Variants in GRIK3 observed in about 807,000 individuals in gnomAD.
The protein encoded by GRIK3 is glutamate ionotropic receptor kainate type subunit 3.
In GRIK3, 29 loss-of-function variants were observed where a neutral mutation model predicts 102.5. The observed-to-expected ratio is 0.28, with a 90% confidence interval of 0.21 to 0.39. The LOEUF (loss-of-function observed/expected upper bound fraction) is 0.39. Among genes scored for constraint, GRIK3 ranks in the 10% least tolerant of loss-of-function variants. GRIK3 has a pLI of 1.00. For missense variants in GRIK3, 908 were observed against 1,252.4 expected (o/e 0.73, Z 4.15); for synonymous variants, 511 against 504.9 (o/e 1.01, Z -0.16).
intron 1 of GRIK3, among the ~76,000 whole-genome samples, chr1:36,916,393 C>A (rs1213613749): frequency 6.6e-6 from 1 of 152,220 alleles, no homozygotes; most frequent in Admixed American, 6.5e-5. Context: ...TTCAAGCCAA[C>A]TGCAGAAACT....
intron 1 of GRIK3, among the ~76,000 whole-genome samples, chr1:36,976,645 T>C (rs1642199271): frequency 6.6e-6 from 1 of 152,146 alleles, no homozygotes; most frequent in African/African-American, 2.4e-5. Flanking sequence ...CAAGGTATGC[T>C]ATTGGTTGAA....
Position 36,801,902 on chromosome 1 carries a change from G to A in GRIK3, c.2709C>T (p.Pro903=), listed in dbSNP as rs191042265. 90 of 1,613,602 alleles carry A rather than the reference G, an allele frequency of 5.6e-5. No homozygotes were observed. The South Asian group carries it at 7.3e-4, about 13-fold the overall frequency. ...NMHTFNDRRL[P]GKDSMACSTS... The stretch of plus-strand genomic sequence containing the variant: ...TGCTGCAGGCCATGCTGTCCTTGCC[G>A]GGAAGCCGGCGGTCATTGAATGTGT... The change falls in exon 16 of 16, where the codon CCC becomes CCT. Residue 903 remains proline, a synonymous_variant. Coordinates refer to ENST00000373091, the MANE Select transcript of GRIK3 (RefSeq NM_000831.4).
intron 1 of GRIK3, among the ~76,000 whole-genome samples, chr1:36,983,230 C>T (rs117957535): frequency 6.6e-6 from 1 of 152,138 alleles, no homozygotes; most frequent in Non-Finnish European, 1.5e-5. Context: ...CACAAACACA[C>T]CCTTCCCACA....
intron 5 of GRIK3, among the ~76,000 whole-genome samples, chr1:36,867,894 G>A (rs1392745): frequency 0.84 from 127,272 of 152,004 alleles, 55,378 homozygotes; most frequent in Non-Finnish European, 0.96. Flanking sequence ...GCCGGGGTGG[G>A]GGGTCGTTGA....
intron 5 of GRIK3, among the ~76,000 whole-genome samples, chr1:36,862,711 C>A (rs985977614): frequency 6.6e-6 from 1 of 152,138 alleles, no homozygotes. Context: ...CACCTGGGCT[C>A]GAGTTTCACC....
chr1:36,865,425 T>C (rs1640772608), intron 5 of GRIK3, among the ~76,000 whole-genome samples: 1 of 152,146 alleles, frequency 6.6e-6, no homozygotes, highest in Admixed American at 6.5e-5. Flanking sequence ...TCCTCCCAAA[T>C]AAGCCACAAC....
intron 1 of GRIK3, among the ~76,000 whole-genome samples, chr1:36,902,059 C>T (rs1294508707): frequency 6.6e-6 from 1 of 152,142 alleles, no homozygotes; most frequent in Non-Finnish European, 1.5e-5. Context: ...AAACTCACAA[C>T]TCTAATGAAA....
intron 1 of GRIK3, among the ~76,000 whole-genome samples, chr1:36,989,513 CA>C (rs1642342326): frequency 6.6e-6 from 1 of 152,232 alleles, no homozygotes; most frequent in African/African-American, 2.4e-5. Flanking sequence ...TGATTGCCGC[CA>C]AGCGCTCCTC....
intron 1 of GRIK3, among the ~76,000 whole-genome samples, chr1:36,913,560 T>C (rs1641369206): frequency 6.6e-6 from 1 of 152,242 alleles, no homozygotes; most frequent in Non-Finnish European, 1.5e-5. Flanking sequence ...GCACTAATTA[T>C]AGAATCAACT....
rs1033895695 is a variant in GRIK3, at chr1:36,819,480, G to A, written c.1873+256C>T. On this transcript the variant is annotated intron_variant, in intron 12 of 15. Coordinates refer to ENST00000373091, the MANE Select transcript of GRIK3 (RefSeq NM_000831.4). The surrounding 1 kb of genome is among the most constrained non-coding windows in gnomAD (Gnocchi z 4.1). ...AGCTGGAGCAGGAGGTGGGGGATGC[G>A]TCCCGCATGCCCTGGGCTGGGTGGT... Among the ~76,000 whole-genome samples the A allele has an allele frequency of 3.3e-5, 5 of 152,242 alleles. No individual in the cohort carries two copies. Among genetic ancestry groups the A allele is most frequent in the Non-Finnish European group, 4.4e-5 (3 of 68,042 alleles).
chr1:37,029,815 T>C (rs1642801398), intron 1 of GRIK3, among the ~76,000 whole-genome samples: 1 of 152,156 alleles, frequency 6.6e-6, no homozygotes, highest in African/African-American at 2.4e-5. Flanking sequence ...AGCTTGCATT[T>C]CTGGAGGGGT....
chr1:36,945,680 G>C (rs887375796), intron 1 of GRIK3, among the ~76,000 whole-genome samples: 1 of 152,168 alleles, frequency 6.6e-6, no homozygotes, highest in African/African-American at 2.4e-5. Flanking sequence ...GGCTTCAAAG[G>C]TTCTTTTGGT....
chr1:36,859,316 T>G, intron 6 of GRIK3, 65 bp from the exon 7 acceptor site: 1 of 1,516,210 alleles, frequency 6.6e-7, no homozygotes, highest in Non-Finnish European at 8.9e-7. Flanking sequence ...CACCCTGCCC[T>G]GTCCCCCTTC....
At chr1:36,979,115 T>C (rs1188488874) in intron 1 of GRIK3, among the ~76,000 whole-genome samples, 2 of 152,250 alleles carry the variant, frequency 1.3e-5, no homozygotes, top group Admixed American at 6.5e-5. Flanking sequence ...CTGATTATGG[T>C]GACTTCTATA....
At chr1:36,853,745 C>T (rs373762223) in intron 7 of GRIK3, 23 bp from the exon 8 acceptor site, 14 of 1,322,814 alleles carry the variant, frequency 1.1e-5, no homozygotes, top group South Asian at 3.5e-5. Context: ...GAGGGCAGAG[C>T]GGCAATTCCT....
rs746268729 is a variant in GRIK3 at position 36,859,987 on chromosome 1, G to A, written c.817C>T (p.Arg273Cys). 9 of 1,609,064 alleles carry A rather than the reference G, an allele frequency of 5.6e-6. No homozygotes were observed. Among genetic ancestry groups the A allele is most frequent in the African/African-American group, 5.4e-5 (4 of 74,704 alleles). Reference sequence around the variant, plus strand: ...CCTGTCAGGTTCACGCCTGAGTAGCGGTAGGGCTCCAGGTCTAAAGCGTAG... The same window carrying A: ...CCTGTCAGGTTCACGCCTGAGTAGCAGTAGGGCTCCAGGTCTAAAGCGTAG... The part of the protein sequence containing the change: ...DLYALDLEPY[R>C]YSGVNLTGFR... The change falls in exon 6 of 16, where the codon CGC becomes TGC. Residue 273 changes from arginine to cysteine, a missense_variant. This residue lies in a region of GRIK3 where 585 missense variants were observed against 824.9 expected (regional missense o/e 0.71). Transcript: ENST00000373091.
chr1:36,867,109 A>G (rs1640793657), intron 5 of GRIK3, among the ~76,000 whole-genome samples: 1 of 152,176 alleles, frequency 6.6e-6, no homozygotes, highest in Non-Finnish European at 1.5e-5. Context: ...AAATGAATCA[A>G]TGGATGATTA....
At chr1:36,898,145 G>A (rs12096180) in intron 1 of GRIK3, among the ~76,000 whole-genome samples, 3 of 151,954 alleles carry the variant, frequency 2.0e-5, no homozygotes, top group Non-Finnish European at 2.9e-5. Flanking sequence ...GGTAGGCTGG[G>A]TGGGGGGAGG....
intron 7 of GRIK3, among the ~76,000 whole-genome samples, chr1:36,855,269 A>G (rs1265974725): frequency 6.6e-6 from 1 of 152,176 alleles, no homozygotes; most frequent in Non-Finnish European, 1.5e-5. Flanking sequence ...ACTCCGAGCC[A>G]TGCTCCCTTG....
Sources: allele counts gnomAD v4.1 joint callset (sites outside exome capture counted in the v4.1 genomes callset), GRCh38; gene constraint gnomAD v4.1.1; regional missense constraint gnomAD v4.1.1; non-coding constraint Gnocchi (gnomAD v3.1); transcripts MANE v1.5; gene names NCBI Gene and HGNC (gene_info 2026-07-23, HGNC 2026-07-21).